Variants in RAF1 observed in about 807,000 individuals in gnomAD.
The protein encoded by RAF1 is RAF proto-oncogene serine/threonine-protein kinase.
RAF1 carries 27 observed loss-of-function variants against 81.1 expected under a neutral mutation model. That is an observed-to-expected ratio of 0.33 (90% confidence interval 0.25 to 0.46). The LOEUF (loss-of-function observed/expected upper bound fraction) is 0.46. Among genes scored for constraint, RAF1 ranks in the 20% least tolerant of loss-of-function variants. The pLI, the probability that RAF1 is intolerant of heterozygous loss-of-function variation, is 1.00. For missense variants in RAF1, 598 were observed against 826.0 expected, an observed-to-expected ratio of 0.72 and a Z score of 3.38; for synonymous variants, 298 against 294.0, an observed-to-expected ratio of 1.01 and a Z score of -0.14.
chr3:12,640,634 C>T (rs867377537), intron 1 of RAF1, among the ~76,000 whole-genome samples: 35 of 152,292 alleles, frequency 2.3e-4, no homozygotes, highest in African/African-American at 7.9e-4. Flanking sequence ...CACTGGCCAT[C>T]AGAGAAATGC....
intron 1 of RAF1, among the ~76,000 whole-genome samples, chr3:12,629,981 T>C (rs1485088000): frequency 6.6e-6 from 1 of 152,170 alleles, no homozygotes; most frequent in East Asian, 1.9e-4. Flanking sequence ...GAAGTCTCAC[T>C]ATCTTGCCCA....
At chr3:12,598,752 AACC>A (rs1559418277) in intron 11 of RAF1, among the ~76,000 whole-genome samples, 11 of 142,982 alleles carry the variant, frequency 7.7e-5, no homozygotes, top group Admixed American at 4.3e-4. Context: ...AAAAAAAAAA[AACC>A]ACCAAGTACT....
intron 1 of RAF1, among the ~76,000 whole-genome samples, chr3:12,636,290 A>C (rs1177437129): frequency 7.2e-6 from 1 of 138,600 alleles, no homozygotes; most frequent in East Asian, 2.5e-4. Context: ...CATTTCAAAA[A>C]AACAAAAAAA....
intron 1 of RAF1, among the ~76,000 whole-genome samples, chr3:12,651,301 A>AT (rs1324200253): frequency 1.3e-5 from 2 of 152,112 alleles, no homozygotes; most frequent in Non-Finnish European, 2.9e-5. Flanking sequence ...ATATATATAG[A>AT]TTTTTTGCAA....
Position 12,600,178 on chromosome 3 carries a change from A to T in RAF1, c.1024T>A (p.Ser342Thr). The T allele has an allele frequency of 1.2e-6, 2 of 1,614,138 alleles. No individual in the cohort carries two copies. Among genetic ancestry groups the T allele is most frequent in the Non-Finnish European group, 1.7e-6 (2 of 1,180,024 alleles). ...ATTTTGTTTTTCTCCTGGGTCCCAG[A>T]TACTGGTGCCCGCTCTCTTTGTGCT... The change falls in exon 10 of 18, where the codon TCT becomes ACT. Residue 342 changes from serine to threonine, a missense_variant. By Grantham distance (58) the Ser-to-Thr change is moderately conservative. Coordinates refer to ENST00000442415, the MANE Select transcript of RAF1 (RefSeq NM_001354689.3).
At chr3:12,617,547 C>G (rs2059408067) in intron 2 of RAF1, among the ~76,000 whole-genome samples, 1 of 152,062 alleles carries the variant, frequency 6.6e-6, no homozygotes, top group Non-Finnish European at 1.5e-5. Context: ...ATCACCACAC[C>G]CAGCCAGAAA....
rs569826594 is a variant in RAF1, at chr3:12,642,231, A to G, written c.-27+21582T>C. 2.5e-4 allele frequency among the ~76,000 whole-genome samples: 38 copies of G among 151,786 alleles called. No homozygotes were observed. The South Asian group carries it at 6.7e-3, about 27-fold the overall frequency. ...TTTGAGAGGCTGAAGCGGGTGGATC[A>G]TGAGGTCAAGAGATCGAGACCATCC... On this transcript the variant is annotated intron_variant, in intron 1 of 17. Coordinates refer to ENST00000442415, the MANE Select transcript of RAF1 (RefSeq NM_001354689.3).
chr3:12,628,484 A>C (rs995710199), intron 1 of RAF1, among the ~76,000 whole-genome samples: 3 of 152,202 alleles, frequency 2.0e-5, no homozygotes, highest in Non-Finnish European at 2.9e-5. Flanking sequence ...CAACACAGTT[A>C]GACACCTACT....
intron 1 of RAF1, among the ~76,000 whole-genome samples, chr3:12,641,490 G>GTTTTTTTTTTT (rs747472648): frequency 1.5e-5 from 2 of 134,614 alleles, no homozygotes; most frequent in South Asian, 4.8e-4. Flanking sequence ...ATGTTTTTTG[G>GTTTTTTTTTTT]TTTTTTTTTT....
intron 14 of RAF1, 151 bp downstream of exon 13, chr3:12,587,440 A>G (rs1293869885): frequency 1.3e-6 from 1 of 793,022 alleles, no homozygotes; most frequent in Non-Finnish European, 2.2e-6. Context: ...CAAGCCTACT[A>G]ATTTTCTGAC....
chr3:12,603,430 C>T (rs912931099), intron 8 of RAF1: 39 of 660,954 alleles, frequency 5.9e-5, no homozygotes, highest in Non-Finnish European at 1.0e-4. Context: ...ACAGTTTTAG[C>T]AATCCTGTTA....
chr3:12,658,290 T>A (rs2060764337), intron 1 of RAF1, among the ~76,000 whole-genome samples: 1 of 152,198 alleles, frequency 6.6e-6, no homozygotes, highest in African/African-American at 2.4e-5. Flanking sequence ...GGAACAATTA[T>A]AAGAACATAA....
chr3:12,621,850 ATATTAATC>A (rs1178043306), intron 1 of RAF1, among the ~76,000 whole-genome samples: 2 of 152,258 alleles, frequency 1.3e-5, no homozygotes, highest in African/African-American at 4.8e-5. Flanking sequence ...GAACCCTTTA[ATATTAATC>A]TACAAAGAGG....
chr3:12,643,260 G>C (rs887638185), intron 1 of RAF1, among the ~76,000 whole-genome samples: 4 of 152,144 alleles, frequency 2.6e-5, no homozygotes, highest in African/African-American at 7.2e-5. Flanking sequence ...TTTCCAGAGA[G>C]CTTGCAGAGT....
At chr3:12,584,701 G>C (rs765332822) in intron 17 of RAF1, 44 bp from the exon 17 acceptor site, 5 of 1,613,914 alleles carry the variant, frequency 3.1e-6, no homozygotes, top group Non-Finnish European at 4.2e-6. Context: ...GTGTCTCAAA[G>C]ACACAGGATG....
At chr3:12,584,826 T>C in intron 17 of RAF1, 21 bp downstream of exon 16, 1 of 1,613,998 alleles carries the variant, frequency 6.2e-7, no homozygotes, top group Non-Finnish European at 8.5e-7. Context: ...TTAATCACAT[T>C]CTAGCAGCCC....
intron 1 of RAF1, among the ~76,000 whole-genome samples, chr3:12,643,954 G>A (rs5746177): frequency 0.85 from 128,576 of 152,148 alleles, 54,795 homozygotes; most frequent in African/African-American, 0.95. Flanking sequence ...AAATAACTTC[G>A]GTGAATTGTT....
intron 11 of RAF1, among the ~76,000 whole-genome samples, chr3:12,592,653 T>C (rs1272673186): frequency 6.6e-6 from 1 of 151,524 alleles, no homozygotes; most frequent in Non-Finnish European, 1.5e-5. Context: ...TCAAGCACTG[T>C]AAAACCAGCC....
intron 1 of RAF1, among the ~76,000 whole-genome samples, chr3:12,653,039 T>C (rs1424915632): frequency 1.3e-5 from 2 of 151,910 alleles, no homozygotes; most frequent in Admixed American, 6.6e-5. Flanking sequence ...CCCAGCACTT[T>C]GGGAGGATGA....
Sources: allele counts gnomAD v4.1 joint callset (sites outside exome capture counted in the v4.1 genomes callset), GRCh38; gene constraint gnomAD v4.1.1; transcripts MANE v1.5; gene names NCBI Gene and HGNC (gene_info 2026-07-23, HGNC 2026-07-21).